The following SLC35D4 variants were observed in gnomAD, a reference collection of about 807,000 sequenced individuals.
SLC35D4 encodes UDP-N-acetylglucosamine transporter SLC35D4.
At chr18:23,436,224 C>T in the SLC35D4 span, among the ~76,000 whole-genome samples, 1 of 151,838 alleles carries the variant, frequency 6.6e-6, no homozygotes, top group African/African-American at 2.4e-5. Context: ...GACGGGGTTT[C>T]GCCATGCTGG....
chr18:23,433,845 A>G, the SLC35D4 span, among the ~76,000 whole-genome samples: 1 of 151,806 alleles, frequency 6.6e-6, no homozygotes, highest in Admixed American at 6.6e-5. Context: ...AAAAACTAGA[A>G]GAGAGCATCC....
At chr18:23,267,377 G>A in the SLC35D4 span, among the ~76,000 whole-genome samples, 7 of 152,120 alleles carry the variant, frequency 4.6e-5, no homozygotes, top group Non-Finnish European at 1.0e-4. Flanking sequence ...AGACTCTATA[G>A]GCTCTTCTGA....
the SLC35D4 span, among the ~76,000 whole-genome samples, chr18:23,276,310 G>A: frequency 1.3e-5 from 2 of 151,812 alleles, no homozygotes; most frequent in Admixed American, 6.6e-5. Context: ...GGATGGTCTC[G>A]ATCTTCTGAC....
At chr18:23,372,976 C>T in the SLC35D4 span, among the ~76,000 whole-genome samples, 1 of 152,014 alleles carries the variant, frequency 6.6e-6, no homozygotes, top group Non-Finnish European at 1.5e-5. Flanking sequence ...GTCCTCAGCA[C>T]CTCATAAAGA....
chr18:23,317,154 TACACACACACAC>T, the SLC35D4 span, among the ~76,000 whole-genome samples: 4 of 149,758 alleles, frequency 2.7e-5, no homozygotes, highest in Non-Finnish European at 4.5e-5. Context: ...TGGGAGAAGT[TACACACACACAC>T]ACACACACAC....
the SLC35D4 span, among the ~76,000 whole-genome samples, chr18:23,298,848 C>T: frequency 6.6e-6 from 1 of 152,310 alleles, no homozygotes; most frequent in South Asian, 2.1e-4. Flanking sequence ...TGGTCAGACC[C>T]TTTCCTTCCC....
chr18:23,303,437 T>G, the SLC35D4 span, among the ~76,000 whole-genome samples: 1 of 150,772 alleles, frequency 6.6e-6, no homozygotes, highest in Non-Finnish European at 1.5e-5. Flanking sequence ...GACAGCCTCT[T>G]ACAGACGCCT....
the SLC35D4 span, among the ~76,000 whole-genome samples, chr18:23,269,745 G>T: frequency 2.0e-5 from 3 of 152,192 alleles, no homozygotes; most frequent in African/African-American, 4.8e-5. Flanking sequence ...TGAGGAACTT[G>T]TTGGGAACTG....
the SLC35D4 span, among the ~76,000 whole-genome samples, chr18:23,422,427 C>T: frequency 1.1e-3 from 174 of 152,220 alleles, no homozygotes; most frequent in African/African-American, 4.0e-3. Context: ...TCACCTCCCT[C>T]GTCTAAGCAC....
chr18:23,313,122 A>G, the SLC35D4 span, among the ~76,000 whole-genome samples: 1 of 107,564 alleles, frequency 9.3e-6, no homozygotes, highest in Non-Finnish European at 1.8e-5. Flanking sequence ...GCGAGACTAC[A>G]TCTCAAAAAA....
At chr18:23,314,155 A>G in the SLC35D4 span, among the ~76,000 whole-genome samples, 1 of 152,224 alleles carries the variant, frequency 6.6e-6, no homozygotes, top group Non-Finnish European at 1.5e-5. Context: ...CTCCACAAGA[A>G]TAGCCTCTTA....
chr18:23,276,368 T>A, the SLC35D4 span, among the ~76,000 whole-genome samples: 1 of 151,954 alleles, frequency 6.6e-6, no homozygotes, highest in Non-Finnish European at 1.5e-5. Flanking sequence ...GATTACAGGC[T>A]TGAGCCACCG....
the SLC35D4 span, among the ~76,000 whole-genome samples, chr18:23,391,132 A>G: frequency 2.0e-5 from 3 of 152,032 alleles, no homozygotes; most frequent in Non-Finnish European, 4.4e-5. Flanking sequence ...AGGCTGATGC[A>G]GGAGAACCAC....
the SLC35D4 span, among the ~76,000 whole-genome samples, chr18:23,271,762 G>A: frequency 6.6e-6 from 1 of 152,144 alleles, no homozygotes; most frequent in African/African-American, 2.4e-5. Context: ...TGAAGACTGA[G>A]TTGATCACCA....
At chr18:23,420,426 T>A in the SLC35D4 span, among the ~76,000 whole-genome samples, 1 of 152,116 alleles carries the variant, frequency 6.6e-6, no homozygotes, top group South Asian at 2.1e-4. Flanking sequence ...CAGGCTAGAG[T>A]GCTGTGGTGC....
the SLC35D4 span, among the ~76,000 whole-genome samples, chr18:23,251,080 C>T: frequency 3.3e-5 from 5 of 152,192 alleles, no homozygotes; most frequent in Admixed American, 6.5e-5. Context: ...ATGGGCTTTG[C>T]GGGCATGAGT....
the SLC35D4 span, among the ~76,000 whole-genome samples, chr18:23,420,133 G>A: frequency 0.029 from 4,337 of 151,908 alleles, 68 homozygotes; most frequent in Middle Eastern, 0.068. Flanking sequence ...GAGAAACCCC[G>A]TCTCTACTAA....
the SLC35D4 span, among the ~76,000 whole-genome samples, chr18:23,240,889 A>C: frequency 6.6e-6 from 1 of 152,192 alleles, no homozygotes; most frequent in Non-Finnish European, 1.5e-5. Flanking sequence ...TCACCCATCA[A>C]ATCCTGCTGC....
At chr18:23,386,873 G>A in the SLC35D4 span, among the ~76,000 whole-genome samples, 1 of 152,148 alleles carries the variant, frequency 6.6e-6, no homozygotes, top group Non-Finnish European at 1.5e-5. Context: ...CAAGGTGAGG[G>A]GGGAGAATGA....
Sources: gnomAD v4.1 joint callset for allele counts (sites outside exome capture counted in the v4.1 genomes callset) on GRCh38, gnomAD v4.1.1 for gene constraint, MANE v1.5 for transcripts, NCBI Gene and HGNC (gene_info 2026-07-23, HGNC 2026-07-21) for gene names.